ORC2: variants seen among roughly 807,000 people sequenced by gnomAD.
ORC2 encodes the protein origin recognition complex subunit 2, also known as origin recognition complex protein 2 homolog.
In ORC2, 37 loss-of-function variants were observed where a neutral mutation model predicts 77.7. The ratio of observed to expected loss-of-function variants is 0.48; its 90% confidence interval spans 0.37 to 0.63. ORC2 has a LOEUF of 0.63. Among genes scored for constraint, ORC2 ranks in the 20% least tolerant of loss-of-function variants. The probability of loss-of-function intolerance (pLI) is 0.00; values close to 1 mark genes in which losing one functional copy is unlikely to be tolerated. For missense variants in ORC2, 557 were observed against 661.9 expected (o/e 0.84, Z 1.74); for synonymous variants, 201 against 229.5 (o/e 0.88, Z 1.12).
chr2:200,961,323 C>T (rs1034530483), intron 1 of ORC2, among the ~76,000 whole-genome samples: 11 of 151,856 alleles, frequency 7.2e-5, no homozygotes, highest in African/African-American at 9.7e-5. Context: ...CCAAGCCTTG[C>T]TAATTTTTGT....
In ORC2 at chr2:200,950,796, C is replaced by T. The variant is rs1252499412; in HGVS notation, c.239-1153G>A. ...CTTTCCAAAGTGTGTGCTCATCCTC[C>T]TTATTAAGCTTTCCTAGTGATCTGT... On this transcript the variant is annotated intron_variant, in intron 4 of 17. Coordinates refer to ENST00000234296, the MANE Select transcript of ORC2 (RefSeq NM_006190.5). Among the ~76,000 whole-genome samples the T allele has an allele frequency of 2.0e-5, 3 of 152,248 alleles. No homozygotes were observed. The East Asian group carries it at 5.8e-4, about 29-fold the overall frequency.
intron 5 of ORC2, among the ~76,000 whole-genome samples, chr2:200,945,865 C>T (rs952347263): frequency 3.3e-5 from 5 of 151,984 alleles, no homozygotes; most frequent in Admixed American, 2.0e-4. Flanking sequence ...GCAATGAACA[C>T]GGGAGTGCAG....
chr2:200,949,408 A>C, intron 5 of ORC2, 146 bp downstream of exon 5: 1 of 587,152 alleles, frequency 1.7e-6, no homozygotes, highest in East Asian at 3.1e-5. Flanking sequence ...TCCTTCTTTT[A>C]GGGAACGTCT....
At chr2:200,928,510 T>C (rs999392230) in intron 11 of ORC2, among the ~76,000 whole-genome samples, 1 of 151,586 alleles carries the variant, frequency 6.6e-6, no homozygotes, top group Non-Finnish European at 1.5e-5. Flanking sequence ...AGGGAGACCA[T>C]TGCCAATAAA....
intron 16 of ORC2, 177 bp downstream of exon 16, chr2:200,913,754 C>A (rs1429335934): frequency 2.9e-6 from 4 of 1,389,444 alleles, no homozygotes; most frequent in Admixed American, 3.5e-5. Context: ...AAACACCTTG[C>A]TCAGCAGTGG....
intron 4 of ORC2, 44 bp downstream of exon 4, chr2:200,957,357 C>T (rs1214178460): frequency 6.8e-7 from 1 of 1,470,166 alleles, no homozygotes; most frequent in Non-Finnish European, 9.1e-7. Flanking sequence ...AAAGCAATTT[C>T]TGCTACTAGC....
rs2040517778 is a variant in ORC2, at chr2:200,909,676, G to A, written c.*1625C>T. ...AGATCACGCCACTGCACTCTAGACT[G>A]GATGACAGTGCAATTCCATCTAAAA... is the stretch of plus-strand genomic sequence containing the variant. On this transcript the variant is annotated 3_prime_UTR_variant, in exon 18 of 18. Coordinates refer to ENST00000234296, the MANE Select transcript of ORC2 (RefSeq NM_006190.5). 1 of 139,444 alleles carries A rather than the reference G, an allele frequency of 7.2e-6. No individual in the cohort carries two copies. Among genetic ancestry groups the A allele is most frequent in the Non-Finnish European group, 1.5e-5 (1 of 66,218 alleles). The allele number at this position is 139,444 out of a possible 1,614,324, so 8.6% of individuals were successfully genotyped here.
intron 14 of ORC2, among the ~76,000 whole-genome samples, 173 bp downstream of exon 14, chr2:200,920,820 A>C (rs985794389): frequency 5.3e-5 from 8 of 152,196 alleles, no homozygotes; most frequent in Non-Finnish European, 1.0e-4. Flanking sequence ...TTTTATTTCC[A>C]AAAATTATGT....
chr2:200,918,763 A>G (rs1338983401), intron 15 of ORC2, among the ~76,000 whole-genome samples: 1 of 152,204 alleles, frequency 6.6e-6, no homozygotes, highest in Non-Finnish European at 1.5e-5. Flanking sequence ...TGCTGGGATT[A>G]CAGGTGTGAG....
At chr2:200,929,661 G>A (rs985949658) in intron 11 of ORC2, among the ~76,000 whole-genome samples, 1 of 152,090 alleles carries the variant, frequency 6.6e-6, no homozygotes, top group African/African-American at 2.4e-5. Flanking sequence ...CCCAGGCATG[G>A]TGGCACACAT....
At position 200,909,795 on chromosome 2, in the gene ORC2, C is replaced by T. The variant is rs1022808055; in HGVS notation, c.*1506G>A. 3 of 150,498 alleles carry T rather than the reference C, an allele frequency of 2.0e-5. No individual in the cohort carries two copies. The highest frequency in any genetic ancestry group is 6.6e-5 in the Admixed American group (1 of 15,108). 9.3% of individuals were successfully genotyped at this position (150,498 alleles called of 1,614,324 possible). On this transcript the variant is annotated 3_prime_UTR_variant, in exon 18 of 18. Transcript: ENST00000234296. The stretch of plus-strand genomic sequence containing the variant: ...AAAAAAAAAAAAAGACAAGGTCTTG[C>T]TCTGCACCCAGACTGAAGTGCAGTG...
At chr2:200,956,615 C>T (rs2041469477) in intron 4 of ORC2, among the ~76,000 whole-genome samples, 1 of 152,086 alleles carries the variant, frequency 6.6e-6, no homozygotes, top group Admixed American at 6.5e-5. Context: ...CAGGCGTGAG[C>T]CACCATGTCT....
At chr2:200,948,090 T>C (rs2041284390) in intron 5 of ORC2, among the ~76,000 whole-genome samples, 1 of 151,928 alleles carries the variant, frequency 6.6e-6, no homozygotes, top group Non-Finnish European at 1.5e-5. Flanking sequence ...TTTTTTTGTA[T>C]TTTTAGTAGA....
chr2:200,914,137 C>A (rs1460995581), intron 15 of ORC2, 145 bp from the exon 16 acceptor site: 2 of 558,592 alleles, frequency 3.6e-6, no homozygotes, highest in Admixed American at 3.5e-5. Flanking sequence ...CATATCCTTG[C>A]CTACTTAAAC....
chr2:200,921,596 A>G (rs2040763176), intron 13 of ORC2: 1 of 152,228 alleles, frequency 6.6e-6, no homozygotes, highest in South Asian at 2.1e-4. Flanking sequence ...TAAAATAGAC[A>G]TGATTAGCAC....
chr2:200,934,083 G>A (rs2040991285), intron 9 of ORC2, 109 bp from the exon 10 acceptor site: 1 of 541,284 alleles, frequency 1.8e-6, no homozygotes, highest in South Asian at 3.0e-5. Flanking sequence ...TCTTTACTTG[G>A]TAGTATTTTC....
chr2:200,941,495 TAAA>T (rs762042280), intron 6 of ORC2, among the ~76,000 whole-genome samples: 3 of 105,070 alleles, frequency 2.9e-5, no homozygotes, highest in South Asian at 5.8e-4. Flanking sequence ...AATTAAAAAT[TAAA>T]AAAAAAAAAA....
rs772474612 is a variant in ORC2, at chr2:200,921,054, C to A, written c.1233G>T (p.Gln411His). 7 of 1,609,800 alleles carry A rather than the reference C, an allele frequency of 4.3e-6. No individual in the cohort carries two copies. The highest frequency in any genetic ancestry group is 5.9e-6 in the Non-Finnish European group (7 of 1,177,354). ...RGEKSQQIIG[Q>H]LSSLHNIYLI... ...GGTAAATGTTATGCAAAGATGACAACTGACCAATGATTTGCTGGCTCTTCT... is the reference window on the plus strand; with the variant it reads ...GGTAAATGTTATGCAAAGATGACAAATGACCAATGATTTGCTGGCTCTTCT... The change falls in exon 14 of 18, where the codon CAG (glutamine) becomes CAT (histidine). Residue 411 changes from glutamine to histidine, a missense_variant. Transcript: ENST00000234296.
At chr2:200,916,404 A>G (rs2040651317) in intron 15 of ORC2, among the ~76,000 whole-genome samples, 1 of 152,108 alleles carries the variant, frequency 6.6e-6, no homozygotes, top group South Asian at 2.1e-4. Flanking sequence ...AAAATTCCTT[A>G]AACCCCAGAG....
Sources: allele counts gnomAD v4.1 joint callset (sites outside exome capture counted in the v4.1 genomes callset), GRCh38; gene constraint gnomAD v4.1.1; transcripts MANE v1.5; gene names NCBI Gene and HGNC (gene_info 2026-07-23, HGNC 2026-07-21).